ICOS: variants seen among roughly 807,000 people sequenced by gnomAD.
ICOS encodes the protein inducible T-cell costimulator.
ICOS carries 15 observed loss-of-function variants against 24.6 expected under a neutral mutation model. That is an observed-to-expected ratio of 0.61 (90% CI 0.41 to 0.94). The LOEUF is 0.94. Among genes scored for constraint, ICOS ranks in the 40% least tolerant of loss-of-function variants. ICOS has a pLI of 0.00. For missense variants in ICOS, 200 were observed against 233.0 expected (o/e 0.86, Z 0.92); for synonymous variants, 89 against 77.5 (o/e 1.15, Z -0.78).
At chr2:203,957,259 T>G (rs1310157335) in intron 3 of ICOS, among the ~76,000 whole-genome samples, 1 of 152,088 alleles carries the variant, frequency 6.6e-6, no homozygotes, top group Non-Finnish European at 1.5e-5. Flanking sequence ...GAGAAGGAAA[T>G]TGACAACTTT....
chr2:203,959,455 A>AGGGTGT (rs1690132571), intron 4 of ICOS, 131 bp from the exon 5 acceptor site: 1 of 635,726 alleles, frequency 1.6e-6, no homozygotes, highest in African/African-American at 1.9e-5. Flanking sequence ...TGTGTGTGTG[A>AGGGTGT]GTGTGTGTGT....
At chr2:203,938,441 G>A (rs968896142) in intron 1 of ICOS, among the ~76,000 whole-genome samples, 2 of 152,222 alleles carry the variant, frequency 1.3e-5, no homozygotes, top group African/African-American at 2.4e-5. Flanking sequence ...AGCACAAAGA[G>A]GGAAGAGGCT....
rs1001897493 is a variant in ICOS, at chr2:203,959,963, C to A, written c.*364C>A. ...TTTAAAGATGCCAGGGGTACTGAAT[C>A]TGCAAAGCAAATGAGCAGCCAAGGA... On this transcript the variant is annotated 3_prime_UTR_variant, in exon 5 of 5. Transcript: ENST00000316386. 16 of 365,136 alleles carry A rather than the reference C, an allele frequency of 4.4e-5. No homozygotes were observed. Among genetic ancestry groups the A allele is most frequent in the African/African-American group, 3.4e-4 (16 of 47,734 alleles). 22.6% of individuals were successfully genotyped at this position (365,136 alleles called of 1,614,324 possible).
At chr2:203,943,443 C>T (rs2105746320) in intron 1 of ICOS, among the ~76,000 whole-genome samples, 1 of 152,138 alleles carries the variant, frequency 6.6e-6, no homozygotes, top group Non-Finnish European at 1.5e-5. Flanking sequence ...GTCTAGCCAC[C>T]CAGCAAATCT....
In ICOS at chr2:203,936,886, T is replaced by C; in HGVS notation, c.58+14T>C. 6.5e-7 allele frequency: 1 copy of C among 1,541,016 alleles called. No homozygotes were observed. The highest frequency in any genetic ancestry group is 9.0e-7 in the Non-Finnish European group (1 of 1,115,374). The stretch of plus-strand genomic sequence containing the variant: ...AAGTTTTAACAGGTAAGTGGTGTAT[T>C]GAATATTTCTTATTAAGTTATAATT... On this transcript the variant is annotated intron_variant, in intron 1 of 4. Coordinates refer to ENST00000316386, the MANE Select transcript of ICOS (RefSeq NM_012092.4).
intron 1 of ICOS, among the ~76,000 whole-genome samples, chr2:203,954,793 A>G (rs2105753494): frequency 6.6e-6 from 1 of 151,300 alleles, no homozygotes; most frequent in Admixed American, 6.6e-5. Flanking sequence ...GTATATGTAT[A>G]CAATTATTTG....
intron 1 of ICOS, among the ~76,000 whole-genome samples, chr2:203,952,357 T>A (rs1385026007): frequency 6.6e-6 from 1 of 152,238 alleles, no homozygotes; most frequent in Non-Finnish European, 1.5e-5. Context: ...TATTGACAGA[T>A]GTTTCTTTTA....
intron 4 of ICOS, 82 bp from the exon 5 acceptor site, chr2:203,959,504 G>T: frequency 8.9e-7 from 1 of 1,121,920 alleles, no homozygotes; most frequent in Non-Finnish European, 1.4e-6. Flanking sequence ...GTGTATGAAA[G>T]GCAATGGAGA....
intron 2 of ICOS, 124 bp from the exon 3 acceptor site, chr2:203,956,535 C>T: frequency 1.4e-6 from 1 of 739,702 alleles, no homozygotes; most frequent in Non-Finnish European, 2.5e-6. Flanking sequence ...AACTTGCCCA[C>T]TTACTGGATT....
At chr2:203,939,377 T>A (rs1420353089) in intron 1 of ICOS, among the ~76,000 whole-genome samples, 1 of 152,220 alleles carries the variant, frequency 6.6e-6, no homozygotes, top group Non-Finnish European at 1.5e-5. Flanking sequence ...AGTCTTGTTT[T>A]TTTTTAATGA....
chr2:203,959,524 T>C, intron 4 of ICOS, 62 bp from the exon 5 acceptor site: 4 of 1,468,836 alleles, frequency 2.7e-6, no homozygotes, highest in Non-Finnish European at 3.8e-6. Flanking sequence ...AGGGGAAAGC[T>C]TCTTGTAGGG....
intron 1 of ICOS, among the ~76,000 whole-genome samples, chr2:203,943,710 A>C (rs1224780113): frequency 1.3e-5 from 2 of 152,106 alleles, no homozygotes; most frequent in Non-Finnish European, 2.9e-5. Flanking sequence ...GTGGGGCCCT[A>C]GAACTCCCAG....
intron 1 of ICOS, among the ~76,000 whole-genome samples, chr2:203,941,571 A>G (rs1224256414): frequency 6.6e-6 from 1 of 152,262 alleles, no homozygotes; most frequent in Non-Finnish European, 1.5e-5. Context: ...TTTTATATGC[A>G]AAATGACTTA....
chr2:203,942,601 A>G (rs1689797587), intron 1 of ICOS, among the ~76,000 whole-genome samples: 1 of 152,266 alleles, frequency 6.6e-6, no homozygotes, highest in Non-Finnish European at 1.5e-5. Context: ...CACAGAACAC[A>G]TATGTGGCAC....
At chr2:203,942,086 T>A (rs1437818743) in intron 1 of ICOS, among the ~76,000 whole-genome samples, 1 of 152,208 alleles carries the variant, frequency 6.6e-6, no homozygotes, top group East Asian at 1.9e-4. Flanking sequence ...TTTATTTGAG[T>A]CATGTTGACA....
chr2:203,955,122 C>A (rs866514551), intron 1 of ICOS, among the ~76,000 whole-genome samples: 5 of 151,792 alleles, frequency 3.3e-5, no homozygotes, highest in Admixed American at 6.6e-5. Flanking sequence ...TTCAACTTTT[C>A]CCATATCTCT....
chr2:203,941,323 G>T (rs1002548877), intron 1 of ICOS, among the ~76,000 whole-genome samples: 3 of 151,888 alleles, frequency 2.0e-5, no homozygotes, highest in Admixed American at 6.6e-5. Context: ...ACTTGCTGTT[G>T]CTTGTTAACC....
At chr2:203,956,901 C>A in intron 3 of ICOS, 136 bp downstream of exon 3, 1 of 676,470 alleles carries the variant, frequency 1.5e-6, no homozygotes, top group Non-Finnish European at 2.7e-6. Flanking sequence ...CAAGACATAC[C>A]TACTAATTAA....
chr2:203,953,943 AT>A (rs1479163924), intron 1 of ICOS, among the ~76,000 whole-genome samples: 1 of 152,234 alleles, frequency 6.6e-6, no homozygotes, highest in East Asian at 1.9e-4. Flanking sequence ...AAGAGCAAAA[AT>A]ATACAAATAG....
Sources: gnomAD v4.1 joint callset for allele counts (sites outside exome capture counted in the v4.1 genomes callset) on GRCh38, gnomAD v4.1.1 for gene constraint, MANE v1.5 for transcripts, NCBI Gene and HGNC (gene_info 2026-07-23, HGNC 2026-07-21) for gene names.